Variants in FOXN3 observed in about 807,000 individuals in gnomAD.
FOXN3 encodes forkhead box protein N3.
In FOXN3, 7 loss-of-function variants were observed where a neutral mutation model predicts 38.4. The ratio of observed to expected loss-of-function variants is 0.18; its 90% CI spans 0.10 to 0.34. The LOEUF is 0.34. Among genes scored for constraint, FOXN3 ranks in the 10% least tolerant of loss-of-function variants. FOXN3 has a pLI of 1.00. For synonymous variants in FOXN3, 230 were observed against 242.2 expected, an observed-to-expected ratio of 0.95 and a Z score of 0.47; for missense variants, 456 against 613.4, an observed-to-expected ratio of 0.74 and a Z score of 2.71.
At chr14:89,329,665 G>A (rs1888181112) in intron 3 of FOXN3, among the ~76,000 whole-genome samples, 1 of 152,022 alleles carries the variant, frequency 6.6e-6, no homozygotes, top group Non-Finnish European at 1.5e-5. Flanking sequence ...AGACCATCCT[G>A]CCTAACATGG....
intron 1 of FOXN3, among the ~76,000 whole-genome samples, chr14:89,550,341 T>C (rs1894977331): frequency 6.6e-6 from 1 of 152,162 alleles, no homozygotes; most frequent in African/African-American, 2.4e-5. Context: ...AAAAAACTTG[T>C]TATAGCTGGA....
At chr14:89,464,451 A>G (rs1411006372) in intron 1 of FOXN3, among the ~76,000 whole-genome samples, 1 of 152,176 alleles carries the variant, frequency 6.6e-6, no homozygotes. Flanking sequence ...ACAGCAGGAA[A>G]ACTTCCGAGT....
intron 3 of FOXN3, among the ~76,000 whole-genome samples, chr14:89,346,850 T>G (rs1240700529): frequency 1.3e-5 from 2 of 152,194 alleles, no homozygotes; most frequent in African/African-American, 4.8e-5. Flanking sequence ...GTTTGTTTAT[T>G]TATTCAATCA....
intron 1 of FOXN3, among the ~76,000 whole-genome samples, chr14:89,474,095 A>G (rs1893162931): frequency 6.6e-6 from 1 of 152,256 alleles, no homozygotes; most frequent in Non-Finnish European, 1.5e-5. Context: ...TGCTGTTTAC[A>G]CAAACCTACT....
At chr14:89,426,983 G>A (rs1892045994) in intron 1 of FOXN3, among the ~76,000 whole-genome samples, 1 of 152,028 alleles carries the variant, frequency 6.6e-6, no homozygotes, top group South Asian at 2.1e-4. Context: ...TGGAATCCCA[G>A]CACTTTGAGA....
chr14:89,473,175 C>T (rs771691959), intron 1 of FOXN3, among the ~76,000 whole-genome samples: 5 of 151,928 alleles, frequency 3.3e-5, no homozygotes, highest in Non-Finnish European at 7.4e-5. Context: ...CAGGCGCCTC[C>T]CACCACGCCT....
intron 1 of FOXN3, among the ~76,000 whole-genome samples, chr14:89,583,746 G>A (rs1895790973): frequency 6.6e-6 from 1 of 152,068 alleles, no homozygotes; most frequent in African/African-American, 2.4e-5. Flanking sequence ...TTTTAGTAGA[G>A]GCAGGGTTTC....
intron 1 of FOXN3, among the ~76,000 whole-genome samples, chr14:89,593,315 T>G (rs964168316): frequency 7.3e-5 from 11 of 150,194 alleles, no homozygotes; most frequent in Non-Finnish European, 1.2e-4. Flanking sequence ...CAAATATATA[T>G]AAATCAAAAA....
At chr14:89,408,178 G>C (rs1352349426) in intron 2 of FOXN3, among the ~76,000 whole-genome samples, 1 of 152,094 alleles carries the variant, frequency 6.6e-6, no homozygotes, top group Non-Finnish European at 1.5e-5. Flanking sequence ...CTCCATGCTG[G>C]AAACACCTAG....
intron 3 of FOXN3, among the ~76,000 whole-genome samples, chr14:89,343,017 C>T (rs190705938): frequency 4.4e-4 from 67 of 152,296 alleles, no homozygotes; most frequent in Middle Eastern, 3.4e-3. Flanking sequence ...AATGACACCA[C>T]AATCTAACAA....
chr14:89,396,016 G>A (rs1046126116), intron 2 of FOXN3, among the ~76,000 whole-genome samples: 2 of 152,114 alleles, frequency 1.3e-5, no homozygotes, highest in African/African-American at 4.8e-5. Context: ...GATCTGTGTG[G>A]ATTTCATCAA....
At chr14:89,514,343 A>G (rs1418171472) in intron 1 of FOXN3, among the ~76,000 whole-genome samples, 2 of 152,240 alleles carry the variant, frequency 1.3e-5, no homozygotes, top group African/African-American at 2.4e-5. Context: ...CTCAGCATCA[A>G]TCAGACTTGA....
At chr14:89,505,916 G>T (rs1488371625) in intron 1 of FOXN3, among the ~76,000 whole-genome samples, 3 of 149,886 alleles carry the variant, frequency 2.0e-5, no homozygotes, top group Non-Finnish European at 3.0e-5. Flanking sequence ...GAGCGTCTCT[G>T]CCCGGCCGCC....
intron 1 of FOXN3, among the ~76,000 whole-genome samples, chr14:89,603,257 C>CA (rs1896195698): frequency 1.3e-5 from 2 of 152,192 alleles, no homozygotes; most frequent in Admixed American, 6.5e-5. Context: ...TTGAAAATGA[C>CA]AGAGTCCTAA....
chr14:89,287,113 T>C lies in FOXN3; in HGVS notation c.681-6099A>G, dbSNP rs17773500. Among the ~76,000 whole-genome samples the C allele has an allele frequency of 3.1e-3, 468 of 152,060 alleles. 3 individuals are homozygous for C. The highest frequency in any genetic ancestry group is 5.8e-3 in the Non-Finnish European group (395 of 67,978). On this transcript the variant is annotated intron_variant, in intron 3 of 5. Coordinates refer to ENST00000557258, the MANE Select transcript of FOXN3 (RefSeq NM_005197.4). ...AAAATGAGATGATGGGGGAAAAAAA[T>C]TGCTTTCTAGACTGCAAAAATCCCA...
chr14:89,373,840 G>T (rs956355044), intron 2 of FOXN3, among the ~76,000 whole-genome samples: 5 of 152,074 alleles, frequency 3.3e-5, no homozygotes, highest in Non-Finnish European at 7.4e-5. Flanking sequence ...TAAAAATTAA[G>T]TCAAAGGTAA....
chr14:89,204,886 T>C (rs927840152), intron 4 of FOXN3, among the ~76,000 whole-genome samples: 1 of 148,244 alleles, frequency 6.7e-6, no homozygotes, highest in Non-Finnish European at 1.5e-5. Context: ...GATATCGTTA[T>C]GCTGTTAATG....
Position 89,357,675 on chromosome 14 carries a change from G to C in FOXN3, c.544-6867C>G, listed in dbSNP as rs564493605. Among the ~76,000 whole-genome samples, 12 of 152,098 alleles carry C rather than the reference G, an allele frequency of 7.9e-5. No homozygotes were observed. In the East Asian group the frequency reaches 2.3e-3, roughly 29 times the overall value. ...AACAGCAGTTGACACTGGCAATGCA[G>C]ATCAAGTAGGAGAAGTAATTGATAT... On this transcript the variant is annotated intron_variant, in intron 2 of 5. Transcript: ENST00000557258.
chr14:89,389,184 T>C (rs965362835), intron 2 of FOXN3, among the ~76,000 whole-genome samples: 1 of 152,064 alleles, frequency 6.6e-6, no homozygotes, highest in African/African-American at 2.4e-5. Flanking sequence ...TTTTTTCCCA[T>C]CTCTGATTCT....
Sources: allele counts gnomAD v4.1 joint callset (sites outside exome capture counted in the v4.1 genomes callset), GRCh38; gene constraint gnomAD v4.1.1; transcripts MANE v1.5; gene names NCBI Gene and HGNC (gene_info 2026-07-23, HGNC 2026-07-21).